The following INO80 variants were observed in gnomAD, a reference collection of about 807,000 sequenced individuals.
INO80 encodes the protein chromatin-remodeling ATPase INO80.
A neutral mutation model predicts 203.4 loss-of-function variants in INO80; 20 were observed. The observed-to-expected ratio is 0.10, with a 90% CI of 0.07 to 0.14. INO80 has a LOEUF of 0.14. Among genes scored for constraint, INO80 ranks in the 10% least tolerant of loss-of-function variants. The pLI is 1.00. For synonymous variants in INO80, 726 were observed against 685.2 expected, an observed-to-expected ratio of 1.06 and a Z score of -0.93; for missense variants, 1,419 against 1,914.4, an observed-to-expected ratio of 0.74 and a Z score of 4.83.
intron 28 of INO80, among the ~76,000 whole-genome samples, chr15:41,003,599 G>A (rs529525615): frequency 6.6e-6 from 1 of 151,962 alleles, no homozygotes; most frequent in South Asian, 2.1e-4. Context: ...CAAAGTGCTG[G>A]GATTACAGGC....
intron 14 of INO80, among the ~76,000 whole-genome samples, chr15:41,060,792 C>T (rs1234140557): frequency 6.6e-6 from 1 of 152,092 alleles, no homozygotes; most frequent in Non-Finnish European, 1.5e-5. Context: ...TGCATCCCCA[C>T]CAACCCCCAA....
intron 24 of INO80, among the ~76,000 whole-genome samples, chr15:41,035,793 A>T (rs1161849826): frequency 9.5e-6 from 1 of 104,778 alleles, no homozygotes; most frequent in Admixed American, 1.4e-4. Context: ...CTGCACTCCA[A>T]TCTGGGGGAC....
chr15:41,003,916 T>TA (rs2044000653), intron 28 of INO80, among the ~76,000 whole-genome samples: 1 of 152,170 alleles, frequency 6.6e-6, no homozygotes, highest in African/African-American at 2.4e-5. Flanking sequence ...TGAGGAAACA[T>TA]ACAGTCTATA....
At chr15:41,065,348 T>C (rs758677899) in intron 14 of INO80, among the ~76,000 whole-genome samples, 2 of 150,602 alleles carry the variant, frequency 1.3e-5, no homozygotes, top group Non-Finnish European at 3.0e-5. Flanking sequence ...TGAGGCAAAA[T>C]TGCTTGAACC....
chr15:41,110,032 T>A (rs558052582), intron 1 of INO80, among the ~76,000 whole-genome samples: 9 of 148,136 alleles, frequency 6.1e-5, no homozygotes, highest in African/African-American at 2.0e-4. Flanking sequence ...GAGGCAGAGG[T>A]TGCAGTGAGC....
chr15:41,094,936 C>T (rs1034247463), intron 4 of INO80, among the ~76,000 whole-genome samples: 4 of 151,822 alleles, frequency 2.6e-5, no homozygotes, highest in African/African-American at 9.7e-5. Context: ...TAATTACCTT[C>T]AGACTATGTG....
At chr15:41,081,766 G>C (rs556622571) in intron 7 of INO80, among the ~76,000 whole-genome samples, 9 of 152,218 alleles carry the variant, frequency 5.9e-5, no homozygotes, top group African/African-American at 2.2e-4. Flanking sequence ...GTACTGAAGA[G>C]TACTCTCCTT....
intron 25 of INO80, among the ~76,000 whole-genome samples, chr15:41,023,535 G>A (rs373973678): frequency 1.3e-5 from 2 of 151,934 alleles, no homozygotes; most frequent in Non-Finnish European, 2.9e-5. Flanking sequence ...TTGGGAGGCC[G>A]AGGTGGGTGA....
rs145569118 is a variant in INO80 at position 41,082,876 on chromosome 15, C to A, written c.874-1803G>T. ...TCCAGCCTGGGCAACAGAACAAGAC[C>A]CTATCTCAAAAAGAAATGAAAACTC... On this transcript the variant is annotated intron_variant, in intron 7 of 35. Transcript: ENST00000648947. Among the ~76,000 whole-genome samples, 61 of 149,170 alleles carry A rather than the reference C, an allele frequency of 4.1e-4. 1 individual carries two copies. Among genetic ancestry groups the A allele is most frequent in the Admixed American group, 1.1e-3 (16 of 14,998 alleles).
At chr15:41,076,648 G>A (rs572464163) in intron 9 of INO80, among the ~76,000 whole-genome samples, 5 of 151,970 alleles carry the variant, frequency 3.3e-5, no homozygotes, top group African/African-American at 7.2e-5. Context: ...AGGCTGAGGC[G>A]GGAGGACTGC....
intron 1 of INO80, among the ~76,000 whole-genome samples, chr15:41,099,237 C>CAAAAAAAAAAAAAAAAAAAAAAA (rs71104771): frequency 4.7e-5 from 1 of 21,076 alleles, no homozygotes; most frequent in East Asian, 2.7e-3. Context: ...GACCCTGTCT[C>CAAAAAAAAAAAAAAAAAAAAAAA]AAAAAAAAAA....
At position 41,095,740 on chromosome 15, in the gene INO80, G is replaced by A. The variant is rs199797807; in HGVS notation, c.313+19C>T. ...CCAAGATAACGATAGTCCAAAGGGG[G>A]ATGTCACACCACACTGACCTGACTG... On this transcript the variant is annotated intron_variant, in intron 3 of 35. Coordinates refer to ENST00000648947, the MANE Select transcript of INO80 (RefSeq NM_017553.3). 1 of 1,613,206 alleles carries A rather than the reference G, an allele frequency of 6.2e-7. No individual in the cohort carries two copies. The highest frequency in any genetic ancestry group is 1.7e-5 in the Admixed American group (1 of 59,986).
intron 23 of INO80, 141 bp downstream of exon 23, chr15:41,047,267 C>A: frequency 1.5e-6 from 1 of 676,442 alleles, no homozygotes; most frequent in Non-Finnish European, 2.5e-6. Flanking sequence ...GCCCAGCCTA[C>A]AAACTTTATT....
At chr15:40,980,581 T>G (rs1049811421) in intron 35 of INO80, 141 bp from the exon 36 acceptor site, 2 of 636,894 alleles carry the variant, frequency 3.1e-6, no homozygotes, top group East Asian at 2.8e-5. Context: ...TAACAACTTC[T>G]TGGCATGTTT....
At chr15:41,027,937 T>G (rs1212635589) in intron 24 of INO80, 1 of 384,132 alleles carries the variant, frequency 2.6e-6, no homozygotes, top group Non-Finnish European at 4.7e-6. Context: ...GTGGTTTTAT[T>G]AATATACCTT....
chr15:41,021,812 C>T lies in INO80; in HGVS notation c.3049-687G>A, dbSNP rs543771607. ...ATTCTTATCTCAATACAAGGTATAA[C>T]CAAACAACACTCAGCTGCTGCTCAC... On this transcript the variant is annotated intron_variant, in intron 25 of 35. Transcript: ENST00000648947. 5.9e-5 allele frequency among the ~76,000 whole-genome samples: 9 copies of T among 152,342 alleles called. No individual in the cohort carries two copies. The South Asian group carries it at 1.9e-3, about 32-fold the overall frequency.
At chr15:41,109,337 C>T (rs1417736831) in intron 1 of INO80, among the ~76,000 whole-genome samples, 1 of 151,358 alleles carries the variant, frequency 6.6e-6, no homozygotes, top group Non-Finnish European at 1.5e-5. Flanking sequence ...ACCTGTAATT[C>T]CAGCTACTGG....
chr15:41,045,626 C>T (rs916668039), intron 23 of INO80, among the ~76,000 whole-genome samples: 1 of 151,218 alleles, frequency 6.6e-6, no homozygotes, highest in African/African-American at 2.4e-5. Context: ...GGCACAGTGG[C>T]TCACACCTTT....
chr15:41,058,570 CGTGT>C (rs67053863), intron 16 of INO80, 65 bp downstream of exon 16: 31,577 of 512,318 alleles, frequency 0.062, 421 homozygotes, highest in African/African-American at 0.13. Flanking sequence ...TGTGTGTGTG[CGTGT>C]GTGTGTGTGT....
Sources: allele counts gnomAD v4.1 joint callset (sites outside exome capture counted in the v4.1 genomes callset), GRCh38; gene constraint gnomAD v4.1.1; transcripts MANE v1.5; gene names NCBI Gene and HGNC (gene_info 2026-07-23, HGNC 2026-07-21).